RERE: variants seen among roughly 807,000 people sequenced by gnomAD.
RERE encodes arginine-glutamic acid dipeptide repeats.
RERE carries 40 observed loss-of-function variants against 146.1 expected under a neutral mutation model. The observed-to-expected ratio is 0.27, with a 90% CI of 0.21 to 0.36. The LOEUF (loss-of-function observed/expected upper bound fraction) is 0.36. Ranked by LOEUF, RERE falls within the 10% of genes least tolerant of loss-of-function variation. The probability of loss-of-function intolerance (pLI) is 1.00; values close to 1 mark genes in which losing one functional copy is unlikely to be tolerated. For synonymous variants in RERE, 1,003 were observed against 866.0 expected, an observed-to-expected ratio of 1.16 and a Z score of -2.78; for missense variants, 1,933 against 2,138.7, an observed-to-expected ratio of 0.90 and a Z score of 1.90.
intron 11 of RERE, among the ~76,000 whole-genome samples, chr1:8,440,358 C>T (rs924235036): frequency 6.6e-6 from 1 of 151,944 alleles, no homozygotes; most frequent in East Asian, 1.9e-4. Context: ...TTTGGGAGGC[C>T]GAGGCAGGCG....
At chr1:8,362,315 T>C (rs1037836949) in intron 16 of RERE, among the ~76,000 whole-genome samples, 1 of 152,196 alleles carries the variant, frequency 6.6e-6, no homozygotes, top group Non-Finnish European at 1.5e-5. Context: ...TGTCGATGTA[T>C]ATGAGATTTG....
intron 4 of RERE, among the ~76,000 whole-genome samples, chr1:8,561,354 C>G (rs1366387692): frequency 6.6e-6 from 1 of 152,164 alleles, no homozygotes; most frequent in Non-Finnish European, 1.5e-5. Flanking sequence ...GTAATATCCA[C>G]AATCTTTCTA....
At chr1:8,508,108 G>A (rs72867520) in intron 8 of RERE, among the ~76,000 whole-genome samples, 2,763 of 152,256 alleles carry the variant, frequency 0.018, 102 homozygotes, top group African/African-American at 0.064. Flanking sequence ...ACAGTGATAC[G>A]TACATACAAT....
intron 8 of RERE, among the ~76,000 whole-genome samples, chr1:8,504,133 C>T (rs866011578): frequency 1.6e-4 from 25 of 152,056 alleles, no homozygotes; most frequent in African/African-American, 6.0e-4. Flanking sequence ...CTGAAAAGGC[C>T]TCGAAATAGC....
intron 1 of RERE, among the ~76,000 whole-genome samples, chr1:8,771,773 G>A (rs1008265573): frequency 2.6e-5 from 4 of 151,574 alleles, no homozygotes; most frequent in South Asian, 2.1e-4. Context: ...AGCCAGGCGC[G>A]GTGGCGGGTG....
intron 2 of RERE, among the ~76,000 whole-genome samples, chr1:8,643,505 G>C (rs1647209085): frequency 6.6e-6 from 1 of 152,158 alleles, no homozygotes; most frequent in Admixed American, 6.5e-5. Flanking sequence ...GTAAAATACA[G>C]GGTAAAAAGC....
intron 12 of RERE, among the ~76,000 whole-genome samples, chr1:8,384,673 T>C (rs1642578431): frequency 6.6e-6 from 1 of 152,240 alleles, no homozygotes; most frequent in African/African-American, 2.4e-5. Flanking sequence ...CCAGATGCTT[T>C]GAAGGCATTT....
intron 8 of RERE, among the ~76,000 whole-genome samples, chr1:8,506,098 G>A (rs1570360416): frequency 6.6e-6 from 1 of 152,232 alleles, no homozygotes; most frequent in Middle Eastern, 3.4e-3. Context: ...CTGGTACAAA[G>A]ATCTCAAGAC....
chr1:8,611,346 G>A (rs953083969), intron 4 of RERE, among the ~76,000 whole-genome samples: 1 of 149,480 alleles, frequency 6.7e-6, no homozygotes, highest in African/African-American at 2.5e-5. Context: ...TCTACTAAAA[G>A]TACAACAACT....
At chr1:8,719,438 G>T (rs1639821501) in intron 1 of RERE, among the ~76,000 whole-genome samples, 1 of 152,016 alleles carries the variant, frequency 6.6e-6, no homozygotes, top group Non-Finnish European at 1.5e-5. Flanking sequence ...AAGGATCCAG[G>T]GTGTATTAGA....
chr1:8,777,808 T>TA (rs1641095231), intron 1 of RERE, among the ~76,000 whole-genome samples: 1 of 151,686 alleles, frequency 6.6e-6, no homozygotes, highest in South Asian at 2.1e-4. Flanking sequence ...GTGCTGGGAT[T>TA]ACAGGCATGA....
chr1:8,468,417 C>T (rs758158815), intron 10 of RERE, among the ~76,000 whole-genome samples: 8 of 152,072 alleles, frequency 5.3e-5, no homozygotes, highest in Non-Finnish European at 7.4e-5. Flanking sequence ...CACAGGTCAA[C>T]GTGGATTGGA....
intron 1 of RERE, among the ~76,000 whole-genome samples, chr1:8,808,518 T>C (rs1052969629): frequency 7.2e-5 from 11 of 152,202 alleles, no homozygotes; most frequent in African/African-American, 2.7e-4. Context: ...TTTATATGAA[T>C]TAATTACTTT....
intron 11 of RERE, among the ~76,000 whole-genome samples, chr1:8,457,827 C>A (rs1644470759): frequency 6.6e-6 from 1 of 152,112 alleles, no homozygotes; most frequent in South Asian, 2.1e-4. Flanking sequence ...TCCTGAACTC[C>A]TGACCTCACT....
intron 8 of RERE, among the ~76,000 whole-genome samples, chr1:8,501,478 C>T (rs566667375): frequency 1.4e-4 from 14 of 96,902 alleles, no homozygotes; most frequent in East Asian, 3.3e-4. Context: ...CCCCTCTGCC[C>T]GGCCAGCCGC....
chr1:8,526,276 A>G (rs1228486257), intron 7 of RERE, among the ~76,000 whole-genome samples: 1 of 147,864 alleles, frequency 6.8e-6, no homozygotes, highest in Non-Finnish European at 1.5e-5. Flanking sequence ...CTCTGTCAGC[A>G]CAACAGCAAG....
intron 12 of RERE, among the ~76,000 whole-genome samples, chr1:8,417,855 G>A (rs557905796): frequency 6.6e-6 from 1 of 152,284 alleles, no homozygotes; most frequent in East Asian, 1.9e-4. Context: ...TGCTGGGCAC[G>A]TTTTACAATT....
intron 4 of RERE, among the ~76,000 whole-genome samples, chr1:8,598,221 G>T (rs1197604107): frequency 3.3e-5 from 5 of 152,130 alleles, no homozygotes; most frequent in Non-Finnish European, 2.9e-5. Flanking sequence ...CCTCGCTCTT[G>T]CTCCCAGACT....
chr1:8,571,704 T>C (rs1166463749), intron 4 of RERE, among the ~76,000 whole-genome samples: 3 of 152,242 alleles, frequency 2.0e-5, no homozygotes, highest in Admixed American at 6.5e-5. Context: ...AACCGTTCCA[T>C]CTACAAACAT....
Sources: allele counts gnomAD v4.1 joint callset (sites outside exome capture counted in the v4.1 genomes callset), GRCh38; gene constraint gnomAD v4.1.1; transcripts MANE v1.5; gene names NCBI Gene and HGNC (gene_info 2026-07-23, HGNC 2026-07-21).